The following PDE1A variants were observed in gnomAD, a reference collection of about 807,000 sequenced individuals.
PDE1A encodes phosphodiesterase 1A.
PDE1A carries 35 observed loss-of-function variants against 61.7 expected under a neutral mutation model. The observed-to-expected ratio is 0.57, with a 90% CI of 0.43 to 0.75. PDE1A has a LOEUF of 0.75. PDE1A is among the 30% of genes least tolerant of loss of function. The pLI, the probability that PDE1A is intolerant of heterozygous loss-of-function variation, is 0.00. For missense variants in PDE1A, 597 were observed against 630.6 expected, an observed-to-expected ratio of 0.95 and a Z score of 0.57; for synonymous variants, 232 against 213.2, an observed-to-expected ratio of 1.09 and a Z score of -0.77.
chr2:182,566,005 T>C, the PDE1A span, among the ~76,000 whole-genome samples: 7 of 152,114 alleles, frequency 4.6e-5, no homozygotes, highest in South Asian at 2.1e-4. Flanking sequence ...GAATACAAAA[T>C]TTATGGAATT....
At chr2:182,264,878 C>CATATATATATATATACATATAT (rs148358464) in intron 1 of PDE1A, among the ~76,000 whole-genome samples, 9 of 106,878 alleles carry the variant, frequency 8.4e-5, no homozygotes, top group Non-Finnish European at 1.7e-4. Context: ...TATATATATA[C>CATATATATATATATACATATAT]ATATATATAT....
intron 2 of PDE1A, among the ~76,000 whole-genome samples, chr2:182,487,277 G>A (rs933605476): frequency 2.0e-5 from 3 of 152,094 alleles, no homozygotes; most frequent in African/African-American, 4.8e-5. Context: ...AGGTGCCAGC[G>A]AGAAAGTGAA....
intron 10 of PDE1A, among the ~76,000 whole-genome samples, chr2:182,197,280 G>C (rs1686211090): frequency 6.6e-6 from 1 of 151,266 alleles, no homozygotes; most frequent in Non-Finnish European, 1.5e-5. Context: ...TGATTTGTTG[G>C]AGTTCTATAT....
the PDE1A span, among the ~76,000 whole-genome samples, chr2:182,642,114 T>A: frequency 2.0e-5 from 3 of 152,228 alleles, no homozygotes; most frequent in Non-Finnish European, 2.9e-5. Context: ...GGGCTACACA[T>A]GATATGGAAT....
chr2:182,707,776 T>G, the PDE1A span, among the ~76,000 whole-genome samples: 1 of 152,172 alleles, frequency 6.6e-6, no homozygotes. Flanking sequence ...ACTTATTTTA[T>G]GAGTCCAGCA....
chr2:182,279,821 G>T (rs1693683362), intron 1 of PDE1A, among the ~76,000 whole-genome samples: 1 of 151,660 alleles, frequency 6.6e-6, no homozygotes, highest in Non-Finnish European at 1.5e-5. Context: ...CCTATGTTCT[G>T]CTCACTGGGA....
intron 2 of PDE1A, among the ~76,000 whole-genome samples, chr2:182,514,864 C>T (rs1690034383): frequency 6.6e-6 from 1 of 152,144 alleles, no homozygotes; most frequent in African/African-American, 2.4e-5. Flanking sequence ...AAGAAACTAT[C>T]AACAGAATCA....
the PDE1A span, among the ~76,000 whole-genome samples, chr2:182,587,991 T>C: frequency 1.3e-5 from 2 of 152,170 alleles, no homozygotes; most frequent in Non-Finnish European, 2.9e-5. Flanking sequence ...TGGGAGAATG[T>C]TTTTAACCAA....
At chr2:182,148,163 A>C (rs1350380084) in intron 13 of PDE1A, among the ~76,000 whole-genome samples, 1 of 152,208 alleles carries the variant, frequency 6.6e-6, no homozygotes, top group African/African-American at 2.4e-5. Context: ...AGTTGCCAAA[A>C]TCTCAAATCA....
At chr2:182,354,953 G>C (rs11682598) in intron 1 of PDE1A, among the ~76,000 whole-genome samples, 41,778 of 151,744 alleles carry the variant, frequency 0.28, 6,187 homozygotes, top group East Asian at 0.42. Context: ...TTTTTAATAA[G>C]GTTCCTAGAG....
chr2:182,683,778 A>C, the PDE1A span, among the ~76,000 whole-genome samples: 5 of 152,192 alleles, frequency 3.3e-5, no homozygotes, highest in Non-Finnish European at 7.3e-5. Flanking sequence ...AAGAAATATG[A>C]TAACAGCATC....
intron 8 of PDE1A, among the ~76,000 whole-genome samples, chr2:182,204,301 G>A (rs1017013694): frequency 6.6e-6 from 1 of 152,156 alleles, no homozygotes; most frequent in Admixed American, 6.5e-5. Context: ...TAGCCCAACA[G>A]TGGTCTCTTT....
At chr2:182,419,195 A>T (rs531414512) in intron 1 of PDE1A, among the ~76,000 whole-genome samples, 13 of 152,338 alleles carry the variant, frequency 8.5e-5, no homozygotes, top group African/African-American at 2.9e-4. Flanking sequence ...GAATAATTCA[A>T]GTTGGTGCTA....
At chr2:182,239,844 G>T (rs1690357207) in intron 3 of PDE1A, among the ~76,000 whole-genome samples, 1 of 152,124 alleles carries the variant, frequency 6.6e-6, no homozygotes, top group South Asian at 2.1e-4. Flanking sequence ...GTTCACAAAG[G>T]TTCATTTGAG....
At chr2:182,401,358 T>C (rs1338677336) in intron 1 of PDE1A, among the ~76,000 whole-genome samples, 1 of 152,334 alleles carries the variant, frequency 6.6e-6, no homozygotes, top group African/African-American at 2.4e-5. Flanking sequence ...GATGCAAGGC[T>C]GGGTCAACAT....
At chr2:182,208,182 C>A (rs990540877) in intron 7 of PDE1A, among the ~76,000 whole-genome samples, 2 of 152,106 alleles carry the variant, frequency 1.3e-5, no homozygotes, top group African/African-American at 2.4e-5. Context: ...CTGTATTAGT[C>A]CATTTTCACA....
chr2:182,373,974 A>C (rs1700257263), intron 1 of PDE1A, among the ~76,000 whole-genome samples: 1 of 152,214 alleles, frequency 6.6e-6, no homozygotes, highest in Non-Finnish European at 1.5e-5. Flanking sequence ...GACAAAAAAC[A>C]ATAAATATTA....
At chr2:182,535,575 T>G in the PDE1A span, among the ~76,000 whole-genome samples, 1 of 152,232 alleles carries the variant, frequency 6.6e-6, no homozygotes, top group African/African-American at 2.4e-5. Flanking sequence ...TATCTTGGAG[T>G]TTTAGTTAGG....
chr2:182,164,160 A>G (rs1559126433), downstream of PDE1A, among the ~76,000 whole-genome samples: 2 of 152,192 alleles, frequency 1.3e-5, no homozygotes, highest in African/African-American at 4.8e-5. Flanking sequence ...CTATCGTCAC[A>G]TGGTAGTGGT....
Sources: gnomAD v4.1 joint callset for allele counts (sites outside exome capture counted in the v4.1 genomes callset) on GRCh38, gnomAD v4.1.1 for gene constraint, MANE v1.5 for transcripts, NCBI Gene and HGNC (gene_info 2026-07-23, HGNC 2026-07-21) for gene names.